The following DLGAP3 variants were observed in gnomAD, a reference collection of about 807,000 sequenced individuals.
DLGAP3 encodes disks large-associated protein 3.
Under a neutral mutation model 81.2 loss-of-function variants are expected in DLGAP3, and 17 were observed. The observed-to-expected ratio is 0.21, with a 90% CI of 0.14 to 0.31. DLGAP3 has a LOEUF of 0.31. Among genes scored for constraint, DLGAP3 ranks in the 10% least tolerant of loss-of-function variants. The probability of loss-of-function intolerance (pLI) is 1.00; values close to 1 mark genes in which losing one functional copy is unlikely to be tolerated. For missense variants in DLGAP3, 1,124 were observed against 1,388.0 expected, an observed-to-expected ratio of 0.81 and a Z score of 3.02; for synonymous variants, 577 against 587.4, an observed-to-expected ratio of 0.98 and a Z score of 0.26.
intron 5 of DLGAP3, among the ~76,000 whole-genome samples, chr1:34,888,174 G>A (rs1191498272): frequency 6.6e-6 from 1 of 152,196 alleles, no homozygotes; most frequent in Non-Finnish European, 1.5e-5. Context: ...AGTCAACAGA[G>A]GCTCAAAGGA....
At position 34,886,055 on chromosome 1, in the gene DLGAP3, C is replaced by A. The variant is rs767206630; in HGVS notation, c.1600+17G>T. On this transcript the variant is annotated intron_variant, in intron 6 of 11. Transcript: ENST00000373347. ...CTCCTGCCTAGGGCCGGGCCAGGGG[C>A]AGGAAGGTGTACTCACAGGAGCCGG... is the stretch of plus-strand genomic sequence containing the variant. 6.3e-7 allele frequency: 1 copy of A among 1,585,808 alleles called. No homozygotes were observed. The highest frequency in any genetic ancestry group is 8.6e-7 in the Non-Finnish European group (1 of 1,167,446).
chr1:34,892,888 C>T (rs1455224012), intron 5 of DLGAP3, among the ~76,000 whole-genome samples: 2 of 152,174 alleles, frequency 1.3e-5, no homozygotes, highest in Admixed American at 6.5e-5. Flanking sequence ...ACAATGAACA[C>T]ACGGCCGGGC....
In DLGAP3 at chr1:34,877,623, T is replaced by C. The variant is rs538275630; in HGVS notation, c.2000+7355A>G. ...TTTTTAAGAGGTATAATCAAACTACTAGATAAACATAACATGGAAGATGGG... is the reference window on the plus strand; with the variant it reads ...TTTTTAAGAGGTATAATCAAACTACCAGATAAACATAACATGGAAGATGGG... On this transcript the variant is annotated intron_variant, in intron 8 of 11. Transcript: ENST00000373347. Among the ~76,000 whole-genome samples, 86 of 152,266 alleles carry C rather than the reference T, an allele frequency of 5.6e-4. 1 individual carries two copies. In the South Asian group the frequency reaches 0.017, roughly 29 times the overall value.
chr1:34,905,845 C>G (rs1639542826), intron 2 of DLGAP3, among the ~76,000 whole-genome samples: 1 of 151,290 alleles, frequency 6.6e-6, no homozygotes, highest in Admixed American at 6.6e-5. Context: ...CTCTACAAAA[C>G]AATTTTTTAA....
chr1:34,868,984 G>A lies in DLGAP3; in HGVS notation c.2106C>T (p.Ala702=). ...TCTGGAAGGAGCGTCCAAACTGCAG[G>A]GCCTTGTCTTCTGTGGCCACCGTGG... ...GLATVATEDK[A]LQFGRSFQRH... Residue 702 remains alanine, a synonymous_variant, in exon 9 of 12, where the codon GCC becomes GCT. Transcript: ENST00000373347. The surrounding 1 kb of genome is among the most constrained non-coding windows in gnomAD (Gnocchi z 7.5). 6.2e-7 allele frequency: 1 copy of A among 1,608,728 alleles called. No homozygotes were observed. Among genetic ancestry groups the A allele is most frequent in the Non-Finnish European group, 8.5e-7 (1 of 1,179,748 alleles).
chr1:34,874,658 C>T (rs769640285), intron 8 of DLGAP3, among the ~76,000 whole-genome samples: 5 of 152,070 alleles, frequency 3.3e-5, no homozygotes, highest in Non-Finnish European at 5.9e-5. Context: ...GTTTCCACTG[C>T]GATTCTACTT....
intron 5 of DLGAP3, among the ~76,000 whole-genome samples, chr1:34,890,180 T>C (rs1639291491): frequency 6.6e-6 from 1 of 152,202 alleles, no homozygotes; most frequent in African/African-American, 2.4e-5. Context: ...CGGTACAGTG[T>C]ATCTGCATGA....
chr1:34,923,886 C>CT (rs777681572), intron 1 of DLGAP3, among the ~76,000 whole-genome samples: 1 of 152,156 alleles, frequency 6.6e-6, no homozygotes, highest in Non-Finnish European at 1.5e-5. Flanking sequence ...TCTCCCTTTT[C>CT]TTGAACTCCC....
At chr1:34,918,273 C>A (rs1639747213) in intron 1 of DLGAP3, among the ~76,000 whole-genome samples, 1 of 152,236 alleles carries the variant, frequency 6.6e-6, no homozygotes, top group African/African-American at 2.4e-5. Context: ...TTCCACCCTT[C>A]CGAAGTCCTT....
intron 5 of DLGAP3, among the ~76,000 whole-genome samples, chr1:34,893,841 G>C (rs1639348577): frequency 6.6e-6 from 1 of 152,134 alleles, no homozygotes; most frequent in Admixed American, 6.5e-5. Flanking sequence ...CAGTAAAGAA[G>C]GAACAGAGGA....
chr1:34,876,355 C>T (rs1402633848), intron 8 of DLGAP3, among the ~76,000 whole-genome samples: 1 of 152,188 alleles, frequency 6.6e-6, no homozygotes, highest in Admixed American at 6.5e-5. Flanking sequence ...AGAGACCTTT[C>T]CTGCTCAGCA....
chr1:34,872,985 AAG>A (rs1006400109), intron 8 of DLGAP3, among the ~76,000 whole-genome samples: 1 of 152,238 alleles, frequency 6.6e-6, no homozygotes, highest in African/African-American at 2.4e-5. Context: ...AAATGAAATG[AAG>A]AGAGAGAAGA....
chr1:34,928,091 T>C (rs2148423617), intron 1 of DLGAP3, among the ~76,000 whole-genome samples: 2 of 152,122 alleles, frequency 1.3e-5, no homozygotes, highest in Middle Eastern at 6.8e-3. Context: ...GTTGGGGAAA[T>C]AAGAAGAGTT....
Position 34,867,194 on chromosome 1 carries a change from G to A in DLGAP3, c.2578-3C>T, listed in dbSNP as rs1327664659. ...GGCACAGGGAACGCAGTGGGATCCT[G>A]CAACAGAGGAAGATGGAGGGAAAGT... On this transcript the variant is annotated splice_polypyrimidine_tract_variant and splice_region_variant and intron_variant, in intron 10 of 11. Transcript: ENST00000373347. This position sits in a 1 kb window ranked among gnomAD's most constrained non-coding sequence, Gnocchi z 4.3. 1 of 1,614,132 alleles carries A rather than the reference G, an allele frequency of 6.2e-7. No individual in the cohort carries two copies. The highest frequency in any genetic ancestry group is 1.3e-5 in the African/African-American group (1 of 75,056).
intron 5 of DLGAP3, among the ~76,000 whole-genome samples, chr1:34,896,585 T>TCACACACACACACACACACACA (rs10593156): frequency 4.1e-5 from 6 of 146,798 alleles, no homozygotes; most frequent in Admixed American, 6.7e-5. Flanking sequence ...CCAGACTCCA[T>TCACACACACACACACACACACA]CACACACACA....
chr1:34,877,553 C>T (rs1639076911), intron 8 of DLGAP3, among the ~76,000 whole-genome samples: 1 of 152,122 alleles, frequency 6.6e-6, no homozygotes, highest in Non-Finnish European at 1.5e-5. Context: ...TAAATCTAAA[C>T]TGTTAAAGCA....
rs569619922 is a variant in DLGAP3 at position 34,902,903 on chromosome 1, G to A, written c.1107+1374C>T. ...GAATCGGCTATGGGGGAGAAAGGAT[G>A]GGTGCTGCCTCCCTGCACCCTGCAG... is the stretch of plus-strand genomic sequence containing the variant. On this transcript the variant is annotated intron_variant, in intron 3 of 11. Coordinates refer to ENST00000373347, the MANE Select transcript of DLGAP3 (RefSeq NM_001080418.3). This position sits in a 1 kb window ranked among gnomAD's most constrained non-coding sequence, Gnocchi z 4.4. Among the ~76,000 whole-genome samples, 4 of 152,226 alleles carry A rather than the reference G, an allele frequency of 2.6e-5. No homozygotes were observed. The highest frequency in any genetic ancestry group is 1.9e-4 in the East Asian group (1 of 5,170).
At chr1:34,901,012 G>A (rs1460900408) in intron 3 of DLGAP3, among the ~76,000 whole-genome samples, 1 of 152,118 alleles carries the variant, frequency 6.6e-6, no homozygotes, top group African/African-American at 2.4e-5. Flanking sequence ...CCTGGGGGAG[G>A]GTGCTGCCGC....
At chr1:34,893,695 T>G (rs1639346921) in intron 5 of DLGAP3, among the ~76,000 whole-genome samples, 1 of 143,380 alleles carries the variant, frequency 7.0e-6, no homozygotes, top group Non-Finnish European at 1.5e-5. Context: ...ACCATAATTA[T>G]ATTTTGATAA....
Sources: gnomAD v4.1 joint callset for allele counts (sites outside exome capture counted in the v4.1 genomes callset) on GRCh38, gnomAD v4.1.1 for gene constraint, Gnocchi (gnomAD v3.1) non-coding constraint, MANE v1.5 for transcripts, NCBI Gene and HGNC (gene_info 2026-07-23, HGNC 2026-07-21) for gene names.